Variants in SLC7A4 observed in about 807,000 individuals in gnomAD.
The protein encoded by SLC7A4 is solute carrier family 7 member 4.
A neutral mutation model predicts 37.8 loss-of-function variants in SLC7A4; 30 were observed. The ratio of observed to expected loss-of-function variants is 0.79; its 90% CI spans 0.59 to 1.08. SLC7A4 has a LOEUF of 1.08. SLC7A4 is among the 50% of genes least tolerant of loss of function. The pLI is 0.00. For synonymous variants in SLC7A4, 359 were observed against 376.5 expected, an observed-to-expected ratio of 0.95 and a Z score of 0.54; for missense variants, 839 against 843.2, an observed-to-expected ratio of 1.00 and a Z score of 0.06.
In SLC7A4 at chr22:21,031,247, CG is replaced by C; in HGVS notation, c.565del (p.Arg189AlafsTer102). 1 of 1,613,350 alleles carries C rather than the reference CG, an allele frequency of 6.2e-7. No individual in the cohort carries two copies. The highest frequency in any genetic ancestry group is 8.5e-7 in the Non-Finnish European group (1 of 1,179,688). The stretch of plus-strand genomic sequence containing the variant: ...GGTGTGATTGAGCCAGGAGGACACG[CG>C]GGCTCCACAGGAGACAAAGGCAGAG... Reference protein sequence around the residue: ...LASAFVSCGARVSSWLNHTFS... With the variant: ...LASAFVSCGAXVSSWLNHTFS... On this transcript the variant is annotated frameshift_variant, in exon 2 of 5. Coordinates refer to ENST00000382932, the MANE Select transcript of SLC7A4 (RefSeq NM_004173.3). LOFTEE classifies it high-confidence loss of function.
chr22:21,032,146 G>C (rs527642761), intron 1 of SLC7A4, among the ~76,000 whole-genome samples: 1 of 152,138 alleles, frequency 6.6e-6, no homozygotes, highest in Non-Finnish European at 1.5e-5. Flanking sequence ...CAGCTCCAGG[G>C]GGAGCAGGGT....
Position 21,031,060 on chromosome 22 carries a change from G to C in SLC7A4, c.753C>G (p.Phe251Leu), listed in dbSNP as rs200931834. 2 of 1,614,096 alleles carry C rather than the reference G, an allele frequency of 1.2e-6. No homozygotes were observed. Among genetic ancestry groups the C allele is most frequent in the South Asian group, 2.2e-5 (2 of 91,080 alleles). The part of the protein sequence containing the change: ...TASCFYAFVG[F>L]DVIAASSEEA... ...CCTCACTGGAGGCGGCAATGACGTC[G>C]AAGCCCACGAAAGCATAGAAGCAGG... The change falls in exon 2 of 5, where the codon TTC becomes TTG. Residue 251 changes from phenylalanine to leucine, a missense_variant. Coordinates refer to ENST00000382932, the MANE Select transcript of SLC7A4 (RefSeq NM_004173.3).
At chr22:21,032,167 G>A (rs1412189469) in intron 1 of SLC7A4, among the ~76,000 whole-genome samples, 1 of 152,198 alleles carries the variant, frequency 6.6e-6, no homozygotes, top group Non-Finnish European at 1.5e-5. Context: ...GAGAGGCTGG[G>A]AACGGCTCAG....
Position 21,031,116 on chromosome 22 carries a change from C to T in SLC7A4, c.697G>A (p.Gly233Ser), listed in dbSNP as rs371900071. 6.8e-6 allele frequency: 11 copies of T among 1,613,644 alleles called. No homozygotes were observed. In the African/African-American group the frequency reaches 8.0e-5, roughly 12 times the overall value. ...GTGCCGGCCATGACGCCGGAGAAGC[C>T]GAAGGGTGCAAAGCCGCCTTCGTCA... ...SADEGGFAPF[G>S]FSGVMAGTAS... The change falls in exon 2 of 5, where the codon GGC (glycine) becomes AGC (serine). Residue 233 changes from glycine (G) to serine (S), a missense_variant. Gly to Ser is a moderately conservative substitution (Grantham distance 56). Transcript: ENST00000382932.
Position 21,028,889 on chromosome 22 carries a change from A to G in SLC7A4, c.*166T>C. 1.6e-6 allele frequency: 1 copy of G among 641,532 alleles called. No individual in the cohort carries two copies. Among genetic ancestry groups the G allele is most frequent in the Non-Finnish European group, 2.6e-6 (1 of 383,618 alleles). The allele number at this position is 641,532 out of a possible 1,614,324, so 39.7% of individuals were successfully genotyped here. Reference sequence around the variant, plus strand: ...CACCAGCCAAGGCCCACTCCTGAAGACCCGAAGCCCAGCCCCTGGATGAAG... The same window carrying G: ...CACCAGCCAAGGCCCACTCCTGAAGGCCCGAAGCCCAGCCCCTGGATGAAG... On this transcript the variant is annotated 3_prime_UTR_variant, in exon 5 of 5. Coordinates refer to ENST00000382932, the MANE Select transcript of SLC7A4 (RefSeq NM_004173.3).
At position 21,031,579 on chromosome 22, in the gene SLC7A4, G is replaced by C; in HGVS notation, c.234C>G (p.Ala78=). ...GGGCTGCCAGCAGGGAGGCCACAGCGGCCACACCGAAGGACAAGAGCACAG... is the reference window on the plus strand; with the variant it reads ...GGGCTGCCAGCAGGGAGGCCACAGCCGCCACACCGAAGGACAAGAGCACAG... ...GPAVLLSFGV[A]AVASLLAALC... The change falls in exon 2 of 5, where the codon GCC becomes GCG. Residue 78 remains alanine, a synonymous_variant. Coordinates refer to ENST00000382932, the MANE Select transcript of SLC7A4 (RefSeq NM_004173.3). The C allele has an allele frequency of 6.2e-7, 1 of 1,607,514 alleles. No individual in the cohort carries two copies. Among genetic ancestry groups the C allele is most frequent in the Non-Finnish European group, 8.5e-7 (1 of 1,177,688 alleles).
intron 2 of SLC7A4, 73 bp downstream of exon 2, chr22:21,030,758 A>C: frequency 6.8e-7 from 1 of 1,478,744 alleles, no homozygotes; most frequent in Admixed American, 2.3e-5. Context: ...TTGAAGGTGC[A>C]TTCCCCAAGA....
chr22:21,031,908 C>T (rs1928900521), intron 1 of SLC7A4, 56 bp from the exon 2 acceptor site: 1 of 1,315,186 alleles, frequency 7.6e-7, no homozygotes, highest in African/African-American at 1.5e-5. Context: ...ACCAGCCTTC[C>T]ATCCCTCCTG....
chr22:21,030,390 A>G, intron 2 of SLC7A4, 39 bp from the exon 3 acceptor site: 1 of 1,560,574 alleles, frequency 6.4e-7, no homozygotes, highest in Non-Finnish European at 8.7e-7. Context: ...CATGGCGGAG[A>G]AGCCCACCAG....
rs1415818620 is a variant in SLC7A4, at chr22:21,028,953, T to C, written c.*102A>G. ...GAGGACTCCCCAGCCTGTGCAGGCC[T>C]GCAAACCCAGGCTGCCCACAACAGA... On this transcript the variant is annotated 3_prime_UTR_variant, in exon 5 of 5. Coordinates refer to ENST00000382932, the MANE Select transcript of SLC7A4 (RefSeq NM_004173.3). 3.8e-6 allele frequency: 5 copies of C among 1,319,872 alleles called. No homozygotes were observed. Among genetic ancestry groups the C allele is most frequent in the Non-Finnish European group, 5.1e-6 (5 of 982,030 alleles). The allele number at this position is 1,319,872 out of a possible 1,614,324, so 81.8% of individuals were successfully genotyped here.
At position 21,029,389 on chromosome 22, in the gene SLC7A4, A is replaced by T. The variant is rs763926873; in HGVS notation, c.1679T>A (p.Met560Lys). Residue 560 changes from methionine (M) to lysine (K), a missense_variant, in exon 4 of 5, where the codon ATG (methionine) becomes AAG (lysine). Met to Lys is a moderately conservative substitution (Grantham distance 95). Coordinates refer to ENST00000382932, the MANE Select transcript of SLC7A4 (RefSeq NM_004173.3). ...ALSIVLNICL[M>K]LKLSYLTWVR... ...CCAGGTCAGATAGCTAAGTTTCAGCATGAGGCAGATGTTGAGGACGATGCT... is the reference window on the plus strand; with the variant it reads ...CCAGGTCAGATAGCTAAGTTTCAGCTTGAGGCAGATGTTGAGGACGATGCT... 1.9e-6 allele frequency: 3 copies of T among 1,613,862 alleles called. No individual in the cohort carries two copies. The highest frequency in any genetic ancestry group is 2.5e-6 in the Non-Finnish European group (3 of 1,180,008).
At chr22:21,030,482 A>C (rs1406696693) in intron 2 of SLC7A4, 131 bp from the exon 3 acceptor site, 34 of 962,554 alleles carry the variant, frequency 3.5e-5, no homozygotes, top group South Asian at 3.4e-4. Context: ...AGTAAGCATG[A>C]GTTTGTGTAG....
rs754338332 is a variant in SLC7A4 at position 21,029,490 on chromosome 22, G to C, written c.1624-46C>G. Reference sequence around the variant, plus strand: ...CAGGGCTGGGCCGGGCTGCAGGAAAGATCTGCCAGCCCAGGGCTCACTTTC... The same window carrying C: ...CAGGGCTGGGCCGGGCTGCAGGAAACATCTGCCAGCCCAGGGCTCACTTTC... On this transcript the variant is annotated intron_variant, in intron 3 of 4. Transcript: ENST00000382932. 1.5e-5 allele frequency: 22 copies of C among 1,440,958 alleles called. No homozygotes were observed. In the Admixed American group the frequency reaches 3.7e-4, roughly 24 times the overall value. The allele number at this position is 1,440,958 out of a possible 1,614,324, so 89.3% of individuals were successfully genotyped here. A position where few individuals can be genotyped will look rare whatever the true frequency, so the allele number is the denominator to read the frequency against.
In SLC7A4 at chr22:21,031,507, G is replaced by A. The variant is rs1325260425; in HGVS notation, c.306C>T (p.Ala102=). 8.7e-6 allele frequency: 14 copies of A among 1,610,578 alleles called. No individual in the cohort carries two copies. The highest frequency in any genetic ancestry group is 1.2e-5 in the Non-Finnish European group (14 of 1,178,834). ...FGARVPRTGS[A]YLFTYVSMGE... is the part of the protein sequence containing the mutation. ...CCATGGATACGTAGGTGAACAGGTA[G>A]GCAGAGCCCGTGCGTGGCACACGTG... is the stretch of plus-strand genomic sequence containing the variant. The change falls in exon 2 of 5, where the codon GCC becomes GCT. Residue 102 remains alanine, a synonymous_variant. Coordinates refer to ENST00000382932, the MANE Select transcript of SLC7A4 (RefSeq NM_004173.3).
chr22:21,030,510 C>T (rs1170919651), intron 2 of SLC7A4, among the ~76,000 whole-genome samples, 159 bp from the exon 3 acceptor site: 1 of 152,032 alleles, frequency 6.6e-6, no homozygotes, highest in Non-Finnish European at 1.5e-5. Flanking sequence ...AGATTGTCAG[C>T]GCTTTGCCCA....
At position 21,031,619 on chromosome 22, in the gene SLC7A4, T is replaced by C; in HGVS notation, c.194A>G (p.Glu65Gly). Residue 65 changes from glutamate to glycine, a missense_variant, in exon 2 of 5, where the codon GAG (glutamate) becomes GGG (glycine). Glu to Gly is a moderately conservative substitution (Grantham distance 98). Coordinates refer to ENST00000382932, the MANE Select transcript of SLC7A4 (RefSeq NM_004173.3). The stretch of plus-strand genomic sequence containing the variant: ...CAAGAGCACAGCAGGGCCAGCCACC[T>C]CCTTGGCCACGGCACCTGTGAGCAC... ...LYVLTGAVAK[E>G]VAGPAVLLSF... The C allele has an allele frequency of 6.2e-7, 1 of 1,608,178 alleles. No individual in the cohort carries two copies. Among genetic ancestry groups the C allele is most frequent in the Non-Finnish European group, 8.5e-7 (1 of 1,177,426 alleles).
chr22:21,028,811 T>C lies in SLC7A4; in HGVS notation c.*244A>G. The C allele has an allele frequency of 2.4e-6, 1 of 423,906 alleles. No homozygotes were observed. The highest frequency in any genetic ancestry group is 4.2e-6 in the Non-Finnish European group (1 of 240,060). The allele number at this position is 423,906 out of a possible 1,614,324, so 26.3% of individuals were successfully genotyped here. A position where few individuals can be genotyped will look rare whatever the true frequency, so the allele number is the denominator to read the frequency against. The stretch of plus-strand genomic sequence containing the variant: ...ATCCACCCCACCACAACTGCCCAGG[T>C]AGCTGGAGCTGATCATAAACAAGAA... On this transcript the variant is annotated 3_prime_UTR_variant, in exon 5 of 5. Coordinates refer to ENST00000382932, the MANE Select transcript of SLC7A4 (RefSeq NM_004173.3).
At position 21,029,435 on chromosome 22, in the gene SLC7A4, C is replaced by A; in HGVS notation, c.1633G>T (p.Val545Phe). The A allele has an allele frequency of 6.2e-7, 1 of 1,612,450 alleles. No individual in the cohort carries two copies. The highest frequency in any genetic ancestry group is 8.5e-7 in the Non-Finnish European group (1 of 1,179,086). The stretch of plus-strand genomic sequence containing the variant: ...ATGCTCAGGGCTGGAATCAGGGGAA[C>A]CATGGGGATCTGAGGAGGCAGAGGC... ...YREDLFQIPMVPLIPALSIVL... is the reference protein window; with the variant it reads ...YREDLFQIPMFPLIPALSIVL... The change falls in exon 4 of 5, where the codon GTT (valine) becomes TTT (phenylalanine). Residue 545 changes from valine to phenylalanine, a missense_variant. Coordinates refer to ENST00000382932, the MANE Select transcript of SLC7A4 (RefSeq NM_004173.3).
chr22:21,030,439 G>C, intron 2 of SLC7A4, 88 bp from the exon 3 acceptor site: 2 of 1,343,704 alleles, frequency 1.5e-6, no homozygotes, highest in South Asian at 2.8e-5. Flanking sequence ...TGGCTCCTTG[G>C]GAACAAGGGC....
Sources: gnomAD v4.1 joint callset for allele counts (sites outside exome capture counted in the v4.1 genomes callset) on GRCh38, gnomAD v4.1.1 for gene constraint, MANE v1.5 for transcripts, NCBI Gene and HGNC (gene_info 2026-07-23, HGNC 2026-07-21) for gene names.